THRAP3: variants seen among roughly 807,000 people sequenced by gnomAD.
THRAP3 encodes the protein thyroid hormone receptor-associated protein 3.
THRAP3 carries 16 observed loss-of-function variants against 101.0 expected under a neutral mutation model. The observed-to-expected ratio is 0.16, with a 90% CI of 0.11 to 0.24. The LOEUF (loss-of-function observed/expected upper bound fraction) is 0.24, where lower values mean the gene tolerates loss of function less well. Among genes scored for constraint, THRAP3 ranks in the 10% least tolerant of loss-of-function variants. The probability of loss-of-function intolerance (pLI) is 1.00; values close to 1 mark genes in which losing one functional copy is unlikely to be tolerated. For synonymous variants in THRAP3, 407 were observed against 422.6 expected, an observed-to-expected ratio of 0.96 and a Z score of 0.45; for missense variants, 989 against 1,202.7, an observed-to-expected ratio of 0.82 and a Z score of 2.63.
Position 36,239,380 on chromosome 1 carries a change from C to T in THRAP3, c.-135+14875C>T, listed in dbSNP as rs1411006864. Among the ~76,000 whole-genome samples the T allele has an allele frequency of 4.6e-5, 7 of 151,944 alleles. No individual in the cohort carries two copies. In the East Asian group the frequency reaches 1.2e-3, roughly 25 times the overall value. On this transcript the variant is annotated intron_variant, in intron 1 of 11. Transcript: ENST00000354618. ...GCACCGGCTTTCAGCGATTCTCCTG[C>T]CTCAGCCTCCCAAGTAGATGGGATT...
intron 2 of THRAP3, among the ~76,000 whole-genome samples, chr1:36,279,464 G>T (rs918568375): frequency 6.6e-6 from 1 of 152,140 alleles, no homozygotes; most frequent in Non-Finnish European, 1.5e-5. Context: ...TATTCTCATT[G>T]TAAATTGTTT....
intron 1 of THRAP3, among the ~76,000 whole-genome samples, chr1:36,247,183 G>A (rs540423730): frequency 9.9e-5 from 15 of 152,138 alleles, no homozygotes; most frequent in Non-Finnish European, 5.9e-5. Context: ...TGTGTGTGGT[G>A]GTGGGCGCCT....
At chr1:36,275,162 C>T (rs1386072298) in intron 2 of THRAP3, among the ~76,000 whole-genome samples, 5 of 149,582 alleles carry the variant, frequency 3.3e-5, no homozygotes, top group African/African-American at 1.2e-4. Context: ...TGGTGGCAGG[C>T]ACCTGTAGTC....
chr1:36,280,965 G>A (rs552436107), intron 2 of THRAP3, among the ~76,000 whole-genome samples: 3 of 147,496 alleles, frequency 2.0e-5, no homozygotes, highest in South Asian at 2.2e-4. Flanking sequence ...TGCTCTTGTC[G>A]TCCAGGCTGG....
intron 8 of THRAP3, 107 bp from the exon 9 acceptor site, chr1:36,296,476 G>T: frequency 1.2e-6 from 1 of 858,480 alleles, no homozygotes. Flanking sequence ...ACATTTCCCA[G>T]TGCTTCCTCT....
At chr1:36,210,575 C>T in the THRAP3 span, among the ~76,000 whole-genome samples, 9 of 140,070 alleles carry the variant, frequency 6.4e-5, no homozygotes, top group African/African-American at 1.9e-4. Context: ...CCTGTAATCC[C>T]GGCTACTCGG....
intron 2 of THRAP3, among the ~76,000 whole-genome samples, chr1:36,277,995 T>G (rs1645682826): frequency 6.6e-6 from 1 of 151,356 alleles, no homozygotes; most frequent in African/African-American, 2.4e-5. Context: ...ACTCCTGACC[T>G]CAGGTGATCC....
At chr1:36,270,456 A>G (rs768699809) in intron 2 of THRAP3, among the ~76,000 whole-genome samples, 2 of 152,128 alleles carry the variant, frequency 1.3e-5, no homozygotes, top group Non-Finnish European at 2.9e-5. Flanking sequence ...GCTATAAGAC[A>G]GGCCCTTTTA....
chr1:36,294,065 A>T (rs1645915998), intron 8 of THRAP3, 130 bp downstream of exon 8: 7 of 1,478,372 alleles, frequency 4.7e-6, no homozygotes, highest in East Asian at 2.4e-5. Flanking sequence ...GCATAATTCT[A>T]AAAATGAACT....
Position 36,286,539 on chromosome 1 carries a change from C to T in THRAP3, c.309C>T (p.Gly103=), listed in dbSNP as rs769288726. 18 of 1,614,096 alleles carry T rather than the reference C, an allele frequency of 1.1e-5. No homozygotes were observed. The highest frequency in any genetic ancestry group is 1.4e-5 in the Non-Finnish European group (17 of 1,180,030). ...CATGGGGCCAATATAACCGAGGAGG[C>T]TATGGAAACTACCGCTCAAATTGGC... The part of the protein sequence containing the change: ...FYPWGQYNRG[G]YGNYRSNWQN... The change falls in exon 4 of 12, where the codon GGC becomes GGT. Residue 103 remains glycine, a synonymous_variant. Transcript: ENST00000354618. The surrounding 1 kb of genome is among the most constrained non-coding windows in gnomAD (Gnocchi z 5.5).
At chr1:36,273,471 C>CTT (rs1443604592) in intron 2 of THRAP3, among the ~76,000 whole-genome samples, 1 of 152,188 alleles carries the variant, frequency 6.6e-6, no homozygotes, top group Non-Finnish European at 1.5e-5. Context: ...TAACATCATA[C>CTT]TTAAAGGTGC....
chr1:36,282,077 G>A (rs1570320855), intron 2 of THRAP3, among the ~76,000 whole-genome samples: 1 of 148,148 alleles, frequency 6.8e-6, no homozygotes. Flanking sequence ...CCTATCTCAA[G>A]AAAAAAAAAA....
Position 36,286,802 on chromosome 1 carries a change from A to G in THRAP3, c.572A>G (p.Gln191Arg). The change falls in exon 4 of 12, where the codon CAG (glutamine) becomes CGG (arginine). Residue 191 changes from glutamine (Q) to arginine (R), a missense_variant. Gln to Arg is a conservative substitution (Grantham distance 43, BLOSUM62 1). Transcript: ENST00000354618. The surrounding 1 kb of genome is among the most constrained non-coding windows in gnomAD (Gnocchi z 5.5). ...KSSSKDSRPSQAAGDNQGDEA... is the reference protein window; with the variant it reads ...KSSSKDSRPSRAAGDNQGDEA... ...TCTTCTAAGGATAGCCGGCCATCTC[A>G]GGCTGCCGGGGATAACCAGGGAGAT... The G allele has an allele frequency of 1.2e-6, 2 of 1,614,222 alleles. No individual in the cohort carries two copies. The highest frequency in any genetic ancestry group is 1.7e-6 in the Non-Finnish European group (2 of 1,180,044).
chr1:36,259,397 T>A lies in THRAP3; in HGVS notation c.-119T>A, dbSNP rs1645415668. 1 of 398,524 alleles carries A rather than the reference T, an allele frequency of 2.5e-6. No individual in the cohort carries two copies. The highest frequency in any genetic ancestry group is 4.4e-6 in the Non-Finnish European group (1 of 226,070). The allele number at this position is 398,524 out of a possible 1,614,324, so 24.7% of individuals were successfully genotyped here. A position where few individuals can be genotyped will look rare whatever the true frequency, so the allele number is the denominator to read the frequency against. On this transcript the variant is annotated 5_prime_UTR_variant, in exon 2 of 12. Transcript: ENST00000354618. ...CTCATTTCAGAAGTGTATGCTGACT[T>A]GTAAAGTGAAGAAGCCAGTGGTGCT...
At chr1:36,243,697 T>C (rs1645192890) in intron 1 of THRAP3, among the ~76,000 whole-genome samples, 1 of 152,138 alleles carries the variant, frequency 6.6e-6, no homozygotes, top group Admixed American at 6.5e-5. Flanking sequence ...TGGCCCGTTC[T>C]CAATGAGCCG....
chr1:36,220,835 A>T (rs1313884396), upstream of THRAP3, among the ~76,000 whole-genome samples: 1 of 151,174 alleles, frequency 6.6e-6, no homozygotes. Context: ...GGTACCTGTA[A>T]TCTCAGCTAC....
intron 2 of THRAP3, among the ~76,000 whole-genome samples, chr1:36,278,850 G>A (rs1369531428): frequency 6.6e-6 from 1 of 151,874 alleles, no homozygotes; most frequent in Non-Finnish European, 1.5e-5. Context: ...TTGAACCCAG[G>A]TGGCAGAGGT....
intron 1 of THRAP3, among the ~76,000 whole-genome samples, chr1:36,228,222 A>AT (rs796472132): frequency 3.3e-4 from 46 of 139,084 alleles, no homozygotes; most frequent in African/African-American, 9.8e-4. Context: ...TAATTTTTGT[A>AT]TTTTTTTTTC....
chr1:36,303,719 T>C, intron 11 of THRAP3, 77 bp from the exon 12 acceptor site: 1 of 1,593,496 alleles, frequency 6.3e-7, no homozygotes, highest in Non-Finnish European at 8.5e-7. Flanking sequence ...AAAGGCACAT[T>C]TGGGTGCGTG....
Sources: allele counts gnomAD v4.1 joint callset (sites outside exome capture counted in the v4.1 genomes callset), GRCh38; gene constraint gnomAD v4.1.1; non-coding constraint Gnocchi (gnomAD v3.1); transcripts MANE v1.5; gene names NCBI Gene and HGNC (gene_info 2026-07-23, HGNC 2026-07-21).